The following PARP15 variants were observed in gnomAD, a reference collection of about 807,000 sequenced individuals.
PARP15 encodes the protein poly(ADP-ribose) polymerase family member 15.
Under a neutral mutation model 62.1 loss-of-function variants are expected in PARP15, and 50 were observed. The observed-to-expected ratio is 0.81, with a 90% CI of 0.64 to 1.02. The LOEUF (loss-of-function observed/expected upper bound fraction) is 1.02. Ranked by LOEUF, PARP15 falls within the 50% of genes least tolerant of loss-of-function variation. The probability of loss-of-function intolerance (pLI) is 0.00; values close to 1 mark genes in which losing one functional copy is unlikely to be tolerated. For synonymous variants in PARP15, 309 were observed against 293.1 expected, an observed-to-expected ratio of 1.05 and a Z score of -0.55; for missense variants, 820 against 826.5, an observed-to-expected ratio of 0.99 and a Z score of 0.10.
At chr3:122,587,949 G>A (rs992360362) in intron 1 of PARP15, among the ~76,000 whole-genome samples, 1 of 151,992 alleles carries the variant, frequency 6.6e-6, no homozygotes, top group Non-Finnish European at 1.5e-5. Flanking sequence ...TTAAAATTTG[G>A]TGTTTTTTAA....
chr3:122,604,608 A>C (rs986791706), intron 1 of PARP15, among the ~76,000 whole-genome samples: 1 of 151,726 alleles, frequency 6.6e-6, no homozygotes, highest in Non-Finnish European at 1.5e-5. Flanking sequence ...TAATCCCAGC[A>C]CTTTGGGAGG....
intron 1 of PARP15, among the ~76,000 whole-genome samples, chr3:122,598,978 G>A (rs538602253): frequency 5.3e-4 from 80 of 152,102 alleles, no homozygotes; most frequent in African/African-American, 1.9e-3. Flanking sequence ...TCACTGCAAG[G>A]TCTGCCTCCC....
chr3:122,628,232 G>C (rs113798177), intron 9 of PARP15, among the ~76,000 whole-genome samples: 1 of 152,148 alleles, frequency 6.6e-6, no homozygotes, highest in Non-Finnish European at 1.5e-5. Context: ...TCTTTTAAGC[G>C]CTGAGAGTCT....
At chr3:122,623,112 T>C (rs1156815402) in intron 8 of PARP15, among the ~76,000 whole-genome samples, 2 of 152,218 alleles carry the variant, frequency 1.3e-5, no homozygotes, top group Admixed American at 1.3e-4. Flanking sequence ...TCGGCGGTAA[T>C]GAGGCCAATA....
At position 122,615,686 on chromosome 3, in the gene PARP15, C is replaced by T. The variant is rs528611601; in HGVS notation, c.772-93C>T. ...GAAATATTTTGAGAACTATTGTTAT[C>T]AACTCTTTGATATCTGATGATCAAT... is the stretch of plus-strand genomic sequence containing the variant. On this transcript the variant is annotated intron_variant, in intron 4 of 11. Transcript: ENST00000464300. The T allele has an allele frequency of 1.9e-6, 3 of 1,596,092 alleles. No homozygotes were observed. The African/African-American group carries it at 4.1e-5, about 22-fold the overall frequency.
chr3:122,598,782 A>C (rs1934555872), intron 1 of PARP15, among the ~76,000 whole-genome samples: 1 of 152,216 alleles, frequency 6.6e-6, no homozygotes, highest in African/African-American at 2.4e-5. Context: ...TACAGCTTCA[A>C]GACAGTCTCC....
At chr3:122,615,705 G>A (rs1443709958) in intron 4 of PARP15, 74 bp from the exon 5 acceptor site, 2 of 1,603,628 alleles carry the variant, frequency 1.2e-6, no homozygotes, top group East Asian at 4.5e-5. Flanking sequence ...GATATCTGAT[G>A]ATCAATGCTC....
chr3:122,620,486 T>G (rs1325685997), intron 7 of PARP15, among the ~76,000 whole-genome samples: 1 of 152,190 alleles, frequency 6.6e-6, no homozygotes, highest in Non-Finnish European at 1.5e-5. Context: ...TGACAATGTA[T>G]TCCCACAACC....
chr3:122,606,665 A>G (rs1339988104), intron 2 of PARP15, among the ~76,000 whole-genome samples: 1 of 152,172 alleles, frequency 6.6e-6, no homozygotes. Context: ...GGGACCTTTT[A>G]AAAATACGGA....
intron 3 of PARP15, 144 bp downstream of exon 3, chr3:122,610,874 T>A: frequency 1.6e-6 from 1 of 611,096 alleles, no homozygotes; most frequent in Non-Finnish European, 2.7e-6. Flanking sequence ...ATCTAGTGGG[T>A]AGAAGCGAGG....
At chr3:122,625,778 A>T (rs1014957838) in intron 8 of PARP15, among the ~76,000 whole-genome samples, 7 of 152,202 alleles carry the variant, frequency 4.6e-5, no homozygotes, top group Non-Finnish European at 1.0e-4. Flanking sequence ...AGTTTCTCTT[A>T]CTTCAGCCCC....
intron 1 of PARP15, among the ~76,000 whole-genome samples, chr3:122,583,276 T>A (rs997307696): frequency 2.0e-5 from 2 of 100,550 alleles, no homozygotes; most frequent in African/African-American, 7.4e-5. Context: ...CCTGCCACCA[T>A]GCCTGGCTAG....
At chr3:122,589,182 A>T (rs1027076150) in intron 1 of PARP15, among the ~76,000 whole-genome samples, 4 of 152,128 alleles carry the variant, frequency 2.6e-5, no homozygotes. Context: ...GGGCTCTCTC[A>T]TCCTGGTTTG....
At position 122,605,939 on chromosome 3, in the gene PARP15, A is replaced by G. The variant is rs1935133823; in HGVS notation, c.190A>G (p.Arg64Gly). The change falls in exon 2 of 12, where the codon AGA (arginine) becomes GGA (glycine). Residue 64 changes from arginine (R) to glycine (G), a missense_variant. Arg to Gly is a moderately radical substitution (Grantham distance 125, BLOSUM62 -2). Coordinates refer to ENST00000464300, the MANE Select transcript of PARP15 (RefSeq NM_001113523.3). ...TGCTTTACTGTTTTCTCCACAGTCC[A>G]GAGACAACAAGTTCAGCAAGAAAGA... ...SRRSSSRSMS[R>G]DNKFSKKDCL... The G allele has an allele frequency of 2.6e-6, 4 of 1,551,208 alleles. No homozygotes were observed. In the South Asian group the frequency reaches 3.6e-5, roughly 14 times the overall value.
chr3:122,636,201 T>C lies in PARP15; in HGVS notation c.*101T>C, dbSNP rs1405504670. The C allele has an allele frequency of 3.3e-6, 4 of 1,199,190 alleles. No homozygotes were observed. Among genetic ancestry groups the C allele is most frequent in the African/African-American group, 1.5e-5 (1 of 64,938 alleles). The allele number at this position is 1,199,190 out of a possible 1,614,324, so 74.3% of individuals were successfully genotyped here. A position where few individuals can be genotyped will look rare whatever the true frequency, so the allele number is the denominator to read the frequency against. On this transcript the variant is annotated 3_prime_UTR_variant, in exon 12 of 12. Transcript: ENST00000464300. ...CTGTGTAAGCAGATGAAAGTTTCCC[T>C]TTTAGGTGCCAAAATGCTGAAAATT...
intron 1 of PARP15, among the ~76,000 whole-genome samples, chr3:122,601,277 G>T (rs1015768337): frequency 7.9e-5 from 12 of 152,050 alleles, no homozygotes; most frequent in Admixed American, 7.2e-4. Context: ...ACTTGCCTCA[G>T]CCTCCCAAAG....
At chr3:122,582,236 A>G (rs986846102) in intron 1 of PARP15, among the ~76,000 whole-genome samples, 1 of 152,092 alleles carries the variant, frequency 6.6e-6, no homozygotes, top group Non-Finnish European at 1.5e-5. Flanking sequence ...CAGTGGTGCA[A>G]ACACTGCTCA....
At chr3:122,623,014 G>A (rs199987465) in intron 8 of PARP15, among the ~76,000 whole-genome samples, 1 of 152,092 alleles carries the variant, frequency 6.6e-6, no homozygotes, top group South Asian at 2.1e-4. Flanking sequence ...GGTCCCTCTC[G>A]TATGAACCCC....
intron 1 of PARP15, among the ~76,000 whole-genome samples, chr3:122,598,604 G>C (rs530095205): frequency 6.6e-6 from 1 of 152,222 alleles, no homozygotes; most frequent in East Asian, 1.9e-4. Flanking sequence ...AGCGCAGAAA[G>C]CTGCAGTGCT....
Sources: allele counts gnomAD v4.1 joint callset (sites outside exome capture counted in the v4.1 genomes callset), GRCh38; gene constraint gnomAD v4.1.1; transcripts MANE v1.5; gene names NCBI Gene and HGNC (gene_info 2026-07-23, HGNC 2026-07-21).